The following PHF14 variants were observed in gnomAD, a reference collection of about 807,000 sequenced individuals.
PHF14 encodes the protein PHD finger protein 14.
PHF14 carries 55 observed loss-of-function variants against 117.9 expected under a neutral mutation model. That is an observed-to-expected ratio of 0.47 (90% CI 0.38 to 0.58). The LOEUF is 0.58. Ranked by LOEUF, PHF14 falls within the 20% of genes least tolerant of loss-of-function variation. The pLI is 0.00. For missense variants in PHF14, 978 were observed against 1,122.2 expected (o/e 0.87, Z 1.84); for synonymous variants, 409 against 368.6 (o/e 1.11, Z -1.26).
intron 17 of PHF14, among the ~76,000 whole-genome samples, chr7:11,122,384 CAT>C (rs1248269216): frequency 0.019 from 2,176 of 114,182 alleles, 34 homozygotes; most frequent in Non-Finnish European, 0.029. Context: ...CACACACACA[CAT>C]ACATACACAC....
At chr7:11,120,605 C>T (rs1173570944) in intron 17 of PHF14, among the ~76,000 whole-genome samples, 1 of 151,990 alleles carries the variant, frequency 6.6e-6, no homozygotes, top group East Asian at 1.9e-4. Context: ...ATTTTTAAAC[C>T]ATGGCATTCA....
At chr7:11,148,698 A>G (rs1191849551) in intron 17 of PHF14, among the ~76,000 whole-genome samples, 1 of 152,196 alleles carries the variant, frequency 6.6e-6, no homozygotes, top group Non-Finnish European at 1.5e-5. Context: ...CTGACACATA[A>G]TAGACACACA....
chr7:11,119,430 G>C (rs1547944), intron 17 of PHF14, among the ~76,000 whole-genome samples: 66,851 of 151,532 alleles, frequency 0.44, 15,164 homozygotes, highest in East Asian at 0.73. Flanking sequence ...ATTCAGAAGT[G>C]GTGTGGAATA....
At chr7:10,994,596 A>G (rs907935004) in intron 4 of PHF14, among the ~76,000 whole-genome samples, 3 of 152,022 alleles carry the variant, frequency 2.0e-5, no homozygotes, top group Admixed American at 6.6e-5. Context: ...CTGATTTTAG[A>G]TTTTATTATT....
chr7:11,064,345 A>C (rs1223034140), intron 16 of PHF14, among the ~76,000 whole-genome samples: 1 of 151,910 alleles, frequency 6.6e-6, no homozygotes, highest in East Asian at 1.9e-4. Context: ...ATTGCATCTT[A>C]AATACTATCT....
Position 10,983,062 on chromosome 7 carries a change from G to A in PHF14, c.803G>A (p.Cys268Tyr). ...AGTAGCCCTGCCAGTGAAGGGGGTT[G>A]CAAGAAGAAGAAGAGTAAAGTTCTT... ...DHSSPASEGG[C>Y]KKKKSKVLSR... Residue 268 changes from cysteine to tyrosine, a missense_variant, in exon 3 of 18, where the codon TGC becomes TAC. Physicochemically the swap from Cys to Tyr is radical, Grantham distance 194. Coordinates refer to ENST00000634607, the MANE Select transcript of PHF14 (RefSeq NM_001007157.2). 2.5e-6 allele frequency: 4 copies of A among 1,597,778 alleles called. No individual in the cohort carries two copies. Among genetic ancestry groups the A allele is most frequent in the Non-Finnish European group, 3.4e-6 (4 of 1,178,206 alleles).
chr7:11,053,995 G>T (rs1467118518), intron 14 of PHF14, among the ~76,000 whole-genome samples: 1 of 151,194 alleles, frequency 6.6e-6, no homozygotes, highest in African/African-American at 2.4e-5. Flanking sequence ...TTTCTTACTT[G>T]TAGAAATTCC....
intron 17 of PHF14, among the ~76,000 whole-genome samples, chr7:11,152,975 C>T (rs1788742993): frequency 6.6e-6 from 1 of 152,010 alleles, no homozygotes; most frequent in Admixed American, 6.6e-5. Flanking sequence ...TCAGTGAGGC[C>T]GGAAAGGTCA....
intron 8 of PHF14, 87 bp downstream of exon 8, chr7:11,035,873 A>G: frequency 7.0e-6 from 7 of 1,006,750 alleles, no homozygotes; most frequent in African/African-American, 1.6e-5. Flanking sequence ...GTGACATGTG[A>G]CGTATAATAG....
intron 16 of PHF14, chr7:11,105,510 A>G: frequency 2.0e-6 from 2 of 980,342 alleles, no homozygotes; most frequent in Non-Finnish European, 2.4e-6. Flanking sequence ...GCAGAGCAGA[A>G]TATTTACATC....
chr7:11,032,512 G>T (rs1175366369), intron 7 of PHF14, among the ~76,000 whole-genome samples: 15 of 149,468 alleles, frequency 1.0e-4, no homozygotes. Flanking sequence ...AAAAAAAAAA[G>T]ATTTTAAGAT....
intron 16 of PHF14, among the ~76,000 whole-genome samples, chr7:11,100,224 G>A (rs1787038720): frequency 6.6e-6 from 1 of 151,974 alleles, no homozygotes; most frequent in Non-Finnish European, 1.5e-5. Context: ...GAGGTGAACT[G>A]AATTTGAAAA....
Position 11,062,022 on chromosome 7 carries a change from C to T in PHF14, c.2591C>T (p.Ala864Val). The T allele has an allele frequency of 6.2e-7, 1 of 1,606,146 alleles. No homozygotes were observed. Among genetic ancestry groups the T allele is most frequent in the East Asian group, 2.2e-5 (1 of 44,658 alleles). ...RQSVLQKKPKAEDLRTECATC... is the reference protein window; with the variant it reads ...RQSVLQKKPKVEDLRTECATC... The stretch of plus-strand genomic sequence containing the variant: ...TCTGTGTTGCAAAAGAAGCCCAAGG[C>T]TGAAGATTTAAGAACTGAATGTGCA... Residue 864 changes from alanine (A) to valine (V), a missense_variant, in exon 16 of 18, where the codon GCT becomes GTT. Coordinates refer to ENST00000634607, the MANE Select transcript of PHF14 (RefSeq NM_001007157.2).
At chr7:11,068,699 A>G (rs1785506782) in intron 16 of PHF14, among the ~76,000 whole-genome samples, 1 of 152,220 alleles carries the variant, frequency 6.6e-6, no homozygotes, top group Non-Finnish European at 1.5e-5. Flanking sequence ...ATATTTTACC[A>G]CAATTGATTT....
At chr7:11,126,701 C>G (rs1194675993) in intron 17 of PHF14, among the ~76,000 whole-genome samples, 1 of 150,486 alleles carries the variant, frequency 6.6e-6, no homozygotes, top group Non-Finnish European at 1.5e-5. Context: ...AAAAGCTTCC[C>G]TAAGATAGCA....
intron 17 of PHF14, among the ~76,000 whole-genome samples, chr7:11,148,428 T>G (rs1456383346): frequency 6.6e-6 from 1 of 152,156 alleles, no homozygotes; most frequent in Non-Finnish European, 1.5e-5. Context: ...TTCTCACAGA[T>G]CAGTACATGA....
At chr7:11,048,202 G>A (rs1297636747) in intron 13 of PHF14, among the ~76,000 whole-genome samples, 1 of 152,094 alleles carries the variant, frequency 6.6e-6, no homozygotes, top group African/African-American at 2.4e-5. Context: ...ATAGATAATA[G>A]CAGTTTAGTG....
chr7:11,157,488 A>G lies in PHF14; in HGVS notation c.2773-11928A>G, dbSNP rs550014361. 7.8e-4 allele frequency among the ~76,000 whole-genome samples: 119 copies of G among 152,124 alleles called. 1 individual carries two copies. The highest frequency in any genetic ancestry group is 1.4e-3 in the Non-Finnish European group (96 of 67,976). The stretch of plus-strand genomic sequence containing the variant: ...CCTAGATCAAATGATGCTTCTATGG[A>G]GAAATTTCTTAAGTACCTCTTTTTC... On this transcript the variant is annotated intron_variant, in intron 17 of 17. Transcript: ENST00000634607.
At chr7:11,053,426 T>C (rs958670428) in intron 14 of PHF14, among the ~76,000 whole-genome samples, 4 of 152,082 alleles carry the variant, frequency 2.6e-5, no homozygotes, top group Admixed American at 6.6e-5. Context: ...TTCAAAAATA[T>C]ATTTTGTTTA....
Sources: allele counts gnomAD v4.1 joint callset (sites outside exome capture counted in the v4.1 genomes callset), GRCh38; gene constraint gnomAD v4.1.1; transcripts MANE v1.5; gene names NCBI Gene and HGNC (gene_info 2026-07-23, HGNC 2026-07-21).